Variants in ZNF362 observed in about 807,000 individuals in gnomAD.
The protein encoded by ZNF362 is rotund homolog.
Under a neutral mutation model 42.9 loss-of-function variants are expected in ZNF362, and 11 were observed. The observed-to-expected ratio is 0.26, with a 90% confidence interval of 0.16 to 0.42. The LOEUF is 0.42. ZNF362 is among the 20% of genes least tolerant of loss of function. The pLI is 1.00. For missense variants in ZNF362, 362 were observed against 576.2 expected, an observed-to-expected ratio of 0.63 and a Z score of 3.81; for synonymous variants, 255 against 257.3, an observed-to-expected ratio of 0.99 and a Z score of 0.09.
chr1:33,247,080 C>T, the ZNF362 span, among the ~76,000 whole-genome samples: 11 of 152,290 alleles, frequency 7.2e-5, no homozygotes, highest in African/African-American at 1.7e-4. Flanking sequence ...TTTTTTCACA[C>T]ACAAAAAGCA....
chr1:33,181,671 C>T, the ZNF362 span: 1 of 644,352 alleles, frequency 1.6e-6, no homozygotes, highest in Non-Finnish European at 2.5e-6. The surrounding 1 kb of genome is among the most constrained non-coding windows in gnomAD (Gnocchi z 6.5). Flanking sequence ...TAGTGGGCAG[C>T]TCAAGGCGAT....
chr1:33,167,194 G>A, the ZNF362 span, among the ~76,000 whole-genome samples: 1 of 152,090 alleles, frequency 6.6e-6, no homozygotes, highest in Non-Finnish European at 1.5e-5. The surrounding 1 kb of genome is among the most constrained non-coding windows in gnomAD (Gnocchi z 4.2). Context: ...ACCGCCCCAC[G>A]CACAGTGGCA....
chr1:33,295,072 C>T lies in ZNF362; in HGVS notation c.987+57C>T, dbSNP rs750250755. On this transcript the variant is annotated intron_variant, in intron 7 of 8. Coordinates refer to ENST00000539719, the MANE Select transcript of ZNF362 (RefSeq NM_152493.3). ...TGCTCTGGTGCCCCCCCACCCACCC[C>T]CACAAGGAAGCGTAGGAAGGGGGTG... The T allele has an allele frequency of 7.9e-4, 1,270 of 1,612,724 alleles. 3 individuals carry two copies. The highest frequency in any genetic ancestry group is 1.0e-3 in the Non-Finnish European group (1,202 of 1,179,414).
At chr1:33,207,413 C>G in the ZNF362 span, among the ~76,000 whole-genome samples, 2 of 152,078 alleles carry the variant, frequency 1.3e-5, no homozygotes, top group African/African-American at 2.4e-5. Flanking sequence ...ATAAACATAC[C>G]TGTGCATGTG....
At chr1:33,130,358 C>T in the ZNF362 span, among the ~76,000 whole-genome samples, 9 of 152,136 alleles carry the variant, frequency 5.9e-5, no homozygotes, top group African/African-American at 1.9e-4. Context: ...TTCTGAGATT[C>T]GATTACAAAA....
chr1:33,234,768 A>G, the ZNF362 span, among the ~76,000 whole-genome samples: 1 of 152,236 alleles, frequency 6.6e-6, no homozygotes, highest in Non-Finnish European at 1.5e-5. Flanking sequence ...CATCTGTCCA[A>G]TGGGGTCGGG....
At chr1:33,276,056 T>C in intron 2 of ZNF362, 44 bp from the exon 3 acceptor site, 4 of 1,611,470 alleles carry the variant, frequency 2.5e-6, no homozygotes, top group African/African-American at 1.3e-5. Context: ...CCCCAGGCCT[T>C]GGGGAGGGCT....
chr1:33,246,013 A>T, the ZNF362 span, among the ~76,000 whole-genome samples: 1 of 152,128 alleles, frequency 6.6e-6, no homozygotes, highest in East Asian at 1.9e-4. Context: ...TTATGCACCC[A>T]CCAGTAACTG....
chr1:33,128,091 C>T, the ZNF362 span, among the ~76,000 whole-genome samples: 8 of 151,244 alleles, frequency 5.3e-5, no homozygotes, highest in African/African-American at 9.7e-5. Context: ...AGGTTGGGCA[C>T]GGTAGCTCAC....
chr1:33,227,871 C>T, the ZNF362 span, among the ~76,000 whole-genome samples: 1 of 151,186 alleles, frequency 6.6e-6, no homozygotes. Context: ...TTTTTTTTTT[C>T]CCACTCAGTT....
chr1:33,152,317 GCACTTTGGGAGGCCGAGGCAGGCGGAT>G, the ZNF362 span, among the ~76,000 whole-genome samples: 9 of 152,234 alleles, frequency 5.9e-5, no homozygotes, highest in African/African-American at 2.2e-4. Context: ...CGTAATTCCA[GCACTTTGGGAGGCCGAGGCAGGCGGAT>G]CACCTGAGGT....
the ZNF362 span, among the ~76,000 whole-genome samples, chr1:33,193,236 CT>C: frequency 3.3e-5 from 5 of 152,140 alleles, no homozygotes; most frequent in African/African-American, 1.2e-4. Context: ...TAATCACAAT[CT>C]GCATTAGTAT....
At chr1:33,211,685 C>A in the ZNF362 span, among the ~76,000 whole-genome samples, 1 of 151,824 alleles carries the variant, frequency 6.6e-6, no homozygotes, top group Non-Finnish European at 1.5e-5. Context: ...TTCATTTCAA[C>A]CTTGGTGAAT....
chr1:33,210,856 C>T, the ZNF362 span, among the ~76,000 whole-genome samples: 23 of 151,988 alleles, frequency 1.5e-4, no homozygotes, highest in South Asian at 6.2e-4. Flanking sequence ...TACAGCACAC[C>T]GATGGGTCTT....
the ZNF362 span, among the ~76,000 whole-genome samples, chr1:33,160,974 A>G: frequency 8.1e-3 from 1,237 of 152,352 alleles, 19 homozygotes; most frequent in African/African-American, 0.028. Context: ...GAAGTAGTGA[A>G]GGGCACAGGT....
the ZNF362 span, chr1:33,158,272 C>T: frequency 1.9e-6 from 3 of 1,613,948 alleles, no homozygotes; most frequent in Admixed American, 3.3e-5. Flanking sequence ...TGTCCTGGAA[C>T]AGGGACTTCC....
At chr1:33,284,969 G>A (rs1195500591) in intron 6 of ZNF362, among the ~76,000 whole-genome samples, 1 of 152,196 alleles carries the variant, frequency 6.6e-6, no homozygotes, top group African/African-American at 2.4e-5. Flanking sequence ...GCTCAAAGCA[G>A]AGGCCTTTAA....
the ZNF362 span, among the ~76,000 whole-genome samples, chr1:33,217,028 A>T: frequency 2.0e-5 from 3 of 151,916 alleles, no homozygotes; most frequent in Non-Finnish European, 4.4e-5. Context: ...AAGACTGGGG[A>T]TGGAGAGAGG....
the ZNF362 span, among the ~76,000 whole-genome samples, chr1:33,185,846 T>G: frequency 6.6e-6 from 1 of 152,078 alleles, no homozygotes; most frequent in Non-Finnish European, 1.5e-5. Context: ...CACTGACACA[T>G]AGACACCCAC....
Sources: gnomAD v4.1 joint callset for allele counts (sites outside exome capture counted in the v4.1 genomes callset) on GRCh38, gnomAD v4.1.1 for gene constraint, Gnocchi (gnomAD v3.1) non-coding constraint, MANE v1.5 for transcripts, NCBI Gene and HGNC (gene_info 2026-07-23, HGNC 2026-07-21) for gene names.